ATXN7: variants seen among roughly 807,000 people sequenced by gnomAD.
ATXN7 encodes ataxin-7.
Under a neutral mutation model 70.5 loss-of-function variants are expected in ATXN7, and 12 were observed. The observed-to-expected ratio is 0.17, with a 90% CI of 0.11 to 0.28. The LOEUF (loss-of-function observed/expected upper bound fraction) is 0.28, where lower values mean the gene tolerates loss of function less well. Among genes scored for constraint, ATXN7 ranks in the 10% least tolerant of loss-of-function variants. ATXN7 has a pLI of 1.00. For synonymous variants in ATXN7, 498 were observed against 448.7 expected, an observed-to-expected ratio of 1.11 and a Z score of -1.39; for missense variants, 1,256 against 1,131.7, an observed-to-expected ratio of 1.11 and a Z score of -1.58.
At chr3:63,871,875 C>A (rs1428912051) in intron 1 of ATXN7, among the ~76,000 whole-genome samples, 2 of 147,370 alleles carry the variant, frequency 1.4e-5, no homozygotes, top group African/African-American at 2.5e-5. Context: ...AAAAAAAAAA[C>A]AGATTATAAT....
chr3:63,902,480 T>C (rs951130114), intron 2 of ATXN7, among the ~76,000 whole-genome samples: 4 of 152,126 alleles, frequency 2.6e-5, no homozygotes, highest in Non-Finnish European at 4.4e-5. Context: ...ATTTAAAAAA[T>C]AATGGCATTT....
intron 11 of ATXN7, among the ~76,000 whole-genome samples, chr3:63,992,627 C>T (rs188606326): frequency 6.6e-6 from 1 of 152,274 alleles, no homozygotes; most frequent in Non-Finnish European, 1.5e-5. Flanking sequence ...TGAGACTTTC[C>T]TCTTGATGTG....
At chr3:63,992,196 A>G (rs905951665) in intron 11 of ATXN7, among the ~76,000 whole-genome samples, 9 of 152,212 alleles carry the variant, frequency 5.9e-5, no homozygotes, top group Non-Finnish European at 8.8e-5. Context: ...CTGCAACCCA[A>G]AGAACCATCT....
chr3:63,943,562 C>T (rs1289154337), intron 4 of ATXN7, among the ~76,000 whole-genome samples: 2 of 152,108 alleles, frequency 1.3e-5, no homozygotes, highest in Non-Finnish European at 2.9e-5. Context: ...TACATATATT[C>T]GTGTAGTCCT....
intron 4 of ATXN7, among the ~76,000 whole-genome samples, chr3:63,935,114 TAATGAATGAATG>T (rs533473958): frequency 2.0e-5 from 3 of 152,160 alleles, no homozygotes; most frequent in East Asian, 1.9e-4. Flanking sequence ...TTAGTAAAGG[TAATGAATGAATG>T]AATGAATGAA....
intron 8 of ATXN7, among the ~76,000 whole-genome samples, chr3:63,985,145 C>T (rs1262478220): frequency 6.6e-6 from 1 of 152,108 alleles, no homozygotes; most frequent in African/African-American, 2.4e-5. Flanking sequence ...TGGATAACTA[C>T]CCAGAAGTGA....
chr3:63,996,598 C>G, intron 12 of ATXN7, 115 bp downstream of exon 12: 1 of 551,936 alleles, frequency 1.8e-6, no homozygotes, highest in South Asian at 2.4e-5. Flanking sequence ...AACAGATATT[C>G]AGCTTCATGG....
intron 5 of ATXN7, chr3:63,967,822 T>G: frequency 1.3e-6 from 2 of 1,519,302 alleles, no homozygotes; most frequent in Non-Finnish European, 1.8e-6. Context: ...AGCCCAAACA[T>G]GGAGCATATT....
Position 63,989,156 on chromosome 3 carries a change from G to A in ATXN7, c.1361+832G>A, listed in dbSNP as rs1253359763. ...GGTGCCTGTTAGAGCCTGTCCCAAC[G>A]TGAGCTTTGTGGTTTCTGTGCAGTA... On this transcript the variant is annotated intron_variant, in intron 9 of 12. Transcript: ENST00000674280. Among the ~76,000 whole-genome samples, 12 of 152,214 alleles carry A rather than the reference G, an allele frequency of 7.9e-5. No individual in the cohort carries two copies. The South Asian group carries it at 8.3e-4, about 11-fold the overall frequency.
intron 4 of ATXN7, among the ~76,000 whole-genome samples, chr3:63,929,044 T>C (rs1704829871): frequency 6.6e-6 from 1 of 152,140 alleles, no homozygotes; most frequent in East Asian, 1.9e-4. Context: ...GTAGAATGCA[T>C]GGTGGAGAAA....
rs374778905 is a variant in ATXN7 at position 63,996,279 on chromosome 3, C to G, written c.2457C>G (p.His819Gln). 1 of 1,614,156 alleles carries G rather than the reference C, an allele frequency of 6.2e-7. No homozygotes were observed. Among genetic ancestry groups the G allele is most frequent in the Non-Finnish European group, 8.5e-7 (1 of 1,180,032 alleles). Residue 819 changes from histidine (H) to glutamine (Q), a missense_variant, in exon 12 of 13, where the codon CAC becomes CAG. By Grantham distance (24) the His-to-Gln change is conservative. Transcript: ENST00000674280. ...HQSNELPVNS[H>Q]GSFSHSHTPL... ...CCAATGAACTGCCTGTCAACTCCCA[C>G]GGCAGTTTTTCCCACTCACACACTC...
At position 63,979,963 on chromosome 3, in the gene ATXN7, C is replaced by G; in HGVS notation, c.548C>G (p.Thr183Ser). 1 of 1,614,210 alleles carries G rather than the reference C, an allele frequency of 6.2e-7. No homozygotes were observed. Among genetic ancestry groups the G allele is most frequent in the Non-Finnish European group, 8.5e-7 (1 of 1,180,050 alleles). ...AAGCCGCCTTTGGCCGTTCCTCCCA[C>G]TTCAGTATTTTCCTTCTTCCCTTCT... ...SSKPPLAVPP[T>S]SVFSFFPSLS... Residue 183 changes from threonine to serine, a missense_variant, in exon 6 of 13, where the codon ACT becomes AGT. Coordinates refer to ENST00000674280, the MANE Select transcript of ATXN7 (RefSeq NM_001377405.1).
At chr3:63,913,344 G>C in intron 4 of ATXN7, 119 bp downstream of exon 4, 1 of 1,087,090 alleles carries the variant, frequency 9.2e-7, no homozygotes, top group Non-Finnish European at 1.3e-6. Flanking sequence ...TGCCTGCGAA[G>C]ATGCTGCCTG....
At chr3:63,982,520 C>A in intron 7 of ATXN7, 75 bp downstream of exon 7, 1 of 1,263,516 alleles carries the variant, frequency 7.9e-7, no homozygotes, top group Non-Finnish European at 1.1e-6. Context: ...AAATCAACTG[C>A]AATCTAGAAT....
intron 5 of ATXN7, among the ~76,000 whole-genome samples, chr3:63,960,815 A>G (rs1028761747): frequency 8.5e-5 from 13 of 152,204 alleles, no homozygotes; most frequent in African/African-American, 2.6e-4. Flanking sequence ...AGATTATAGA[A>G]GAAAATAATT....
chr3:63,977,104 A>T lies in ATXN7; in HGVS notation c.500-2811A>T, dbSNP rs142179507. On this transcript the variant is annotated intron_variant, in intron 5 of 12. Transcript: ENST00000674280. ...GTGGTGAACTGAGGTAGATGGTGGA[A>T]GTTTGAGGGGTTGTGCATTTTGTGT... 3.0e-4 allele frequency among the ~76,000 whole-genome samples: 46 copies of T among 152,256 alleles called. No individual in the cohort carries two copies. In the East Asian group the frequency reaches 8.5e-3, roughly 28 times the overall value.
chr3:63,912,011 T>G (rs1268984034), intron 2 of ATXN7: 2 of 152,130 alleles, frequency 1.3e-5, no homozygotes, highest in East Asian at 3.9e-4. Context: ...GGGCTTGACG[T>G]GCAAACTTCG....
chr3:63,931,082 G>C (rs182383728), intron 4 of ATXN7, among the ~76,000 whole-genome samples: 98 of 152,158 alleles, frequency 6.4e-4, no homozygotes, highest in African/African-American at 2.3e-3. Context: ...TGGAGTTAAT[G>C]GTATATACAG....
At chr3:63,916,281 C>T (rs1158561950) in intron 4 of ATXN7, among the ~76,000 whole-genome samples, 3 of 152,156 alleles carry the variant, frequency 2.0e-5, no homozygotes, top group Non-Finnish European at 4.4e-5. Flanking sequence ...TTCTATATTT[C>T]TAGGTACAGG....
Sources: gnomAD v4.1 joint callset for allele counts (sites outside exome capture counted in the v4.1 genomes callset) on GRCh38, gnomAD v4.1.1 for gene constraint, MANE v1.5 for transcripts, NCBI Gene and HGNC (gene_info 2026-07-23, HGNC 2026-07-21) for gene names.